DMD: variants seen among roughly 807,000 people sequenced by gnomAD.
The protein encoded by DMD is dystrophin, also known as mutant dystrophin.
A neutral mutation model predicts 330.1 loss-of-function variants in DMD; 63 were observed. The ratio of observed to expected loss-of-function variants is 0.19; its 90% CI spans 0.16 to 0.24. The LOEUF (loss-of-function observed/expected upper bound fraction) is 0.24. Ranked by LOEUF, DMD falls within the 10% of genes least tolerant of loss-of-function variation. The pLI, the probability that DMD is intolerant of heterozygous loss-of-function variation, is 1.00. For synonymous variants in DMD, 1,223 were observed against 959.8 expected (o/e 1.27, Z -5.07); for missense variants, 3,344 against 2,684.1 (o/e 1.25, Z -5.43).
intron 62 of DMD, among the ~76,000 whole-genome samples, chrX:31,284,605 C>CTTCTTCTTCTTCTTT (rs776178641): frequency 6.6e-5 from 6 of 91,131 alleles, no homozygotes; most frequent in African/African-American, 2.6e-4. Context: ...TCTTCTTCTT[C>CTTCTTCTTCTTCTTT]TTTTTTTTGG....
At chrX:31,972,315 A>G (rs2095405620) in intron 44 of DMD, among the ~76,000 whole-genome samples, 1 of 111,946 alleles carries the variant, frequency 8.9e-6, no homozygotes, top group African/African-American at 3.2e-5. Flanking sequence ...ACATAGGCAA[A>G]GAAAGAACTG....
rs1206711908 is a variant in DMD, at chrX:31,121,218, TTTATATAC to T, written c.*693_*700del. 24 of 112,024 alleles carry T rather than the reference TTTATATAC, an allele frequency of 2.1e-4. No homozygotes were observed. The Admixed American group carries it at 2.3e-3, about 11-fold the overall frequency. The allele number at this position is 112,024 out of a possible 1,213,427, so 9.2% of individuals were successfully genotyped here. On this transcript the variant is annotated 3_prime_UTR_variant, in exon 79 of 79. Coordinates refer to ENST00000357033, the MANE Select transcript of DMD (RefSeq NM_004006.3). ...TCTCTTTATCTATATAACTATAGTA[TTTATATAC>T]TTATAGACATATAGATATATGAAAT...
chrX:32,731,301 A>G (rs1020929953), intron 7 of DMD, among the ~76,000 whole-genome samples: 1 of 112,177 alleles, frequency 8.9e-6, no homozygotes, highest in Non-Finnish European at 1.9e-5. Flanking sequence ...CAGCAGTCTG[A>G]GATCAAACTG....
intron 60 of DMD, among the ~76,000 whole-genome samples, chrX:31,401,514 C>A (rs1263372546): frequency 8.9e-6 from 1 of 111,745 alleles, no homozygotes; most frequent in East Asian, 2.8e-4. Flanking sequence ...GTGAGCTAAG[C>A]ACCTGATATA....
At chrX:32,206,457 C>G (rs2097069742) in intron 44 of DMD, 1 of 534,408 alleles carries the variant, frequency 1.9e-6, no homozygotes, top group South Asian at 2.3e-5. Flanking sequence ...ATGAGATACT[C>G]CAGCCAAAAA....
At chrX:32,199,777 C>CTT (rs1462276429) in intron 44 of DMD, among the ~76,000 whole-genome samples, 1 of 68,642 alleles carries the variant, frequency 1.5e-5, no homozygotes, top group African/African-American at 6.0e-5. Flanking sequence ...CCACGCAAGG[C>CTT]TTTTGTGTGT....
chrX:33,026,494 G>A (rs757785054), intron 1 of DMD, among the ~76,000 whole-genome samples: 1 of 109,897 alleles, frequency 9.1e-6, no homozygotes, highest in Non-Finnish European at 1.9e-5. Context: ...ATATTTTGGA[G>A]CATTATAAAG....
intron 43 of DMD, among the ~76,000 whole-genome samples, chrX:32,233,098 C>T (rs745320135): frequency 6.3e-5 from 7 of 111,807 alleles, no homozygotes; most frequent in African/African-American, 2.3e-4. Context: ...GTGTTGAATT[C>T]GGAAGGTGTA....
rs150704714 is a variant in DMD, at chrX:31,916,249, A to T, written c.6912+13347T>A. 3.0e-3 allele frequency among the ~76,000 whole-genome samples: 342 copies of T among 112,283 alleles called. 2 individuals are homozygous for T. Among genetic ancestry groups the T allele is most frequent in the African/African-American group, 0.011 (331 of 30,930 alleles). ...ACAACACAACAGCTCACGGGACCCC[A>T]CAGACTGTGTGCAATTATAAATGGT... On this transcript the variant is annotated intron_variant, in intron 47 of 78. Transcript: ENST00000357033.
chrX:32,498,101 A>G (rs1327644581), intron 19 of DMD, among the ~76,000 whole-genome samples: 1 of 111,411 alleles, frequency 9.0e-6, no homozygotes, highest in Non-Finnish European at 1.9e-5. Flanking sequence ...GAATATATAA[A>G]TACATCACTA....
At chrX:32,732,226 G>C (rs1241807126) in intron 7 of DMD, among the ~76,000 whole-genome samples, 1 of 110,986 alleles carries the variant, frequency 9.0e-6, no homozygotes, top group African/African-American at 3.3e-5. Context: ...AGAATAAAAA[G>C]AAATGAGCAA....
intron 57 of DMD, among the ~76,000 whole-genome samples, chrX:31,495,908 T>C (rs2069799089): frequency 8.9e-6 from 1 of 111,984 alleles, no homozygotes; most frequent in Non-Finnish European, 1.9e-5. Flanking sequence ...ACAATCAAAC[T>C]ATAGAACTGC....
intron 44 of DMD, among the ~76,000 whole-genome samples, chrX:32,116,342 C>G (rs760315173): frequency 8.9e-6 from 1 of 112,265 alleles, no homozygotes; most frequent in East Asian, 2.8e-4. Context: ...AGCTTTATTT[C>G]CAATATGGAT....
chrX:31,409,604 T>C (rs2061551367), intron 60 of DMD, among the ~76,000 whole-genome samples: 1 of 112,053 alleles, frequency 8.9e-6, no homozygotes, highest in African/African-American at 3.2e-5. Flanking sequence ...TGAAATATTT[T>C]AAATATCCTT....
At chrX:31,507,500 A>G (rs2071071460) in intron 55 of DMD, 47 bp from the exon 56 acceptor site, 1 of 1,112,659 alleles carries the variant, frequency 9.0e-7, no homozygotes, top group Admixed American at 2.5e-5. Context: ...ACCAAACAAA[A>G]GAAACAAGCG....
chrX:32,493,301 G>A (rs1603634781), intron 19 of DMD, among the ~76,000 whole-genome samples: 2 of 111,826 alleles, frequency 1.8e-5, no homozygotes, highest in East Asian at 5.6e-4. Context: ...AAAGCATAAT[G>A]CTACTCAGGA....
At chrX:32,311,163 T>C (rs1569557054) in intron 41 of DMD, among the ~76,000 whole-genome samples, 1 of 111,303 alleles carries the variant, frequency 9.0e-6, no homozygotes, top group African/African-American at 3.3e-5. Flanking sequence ...ATTCTTGTAA[T>C]TGAAATTATT....
intron 1 of DMD, among the ~76,000 whole-genome samples, chrX:33,250,962 G>T (rs2052763168): frequency 9.0e-6 from 1 of 110,842 alleles, no homozygotes; most frequent in Non-Finnish European, 1.9e-5. Context: ...CATTTTATAT[G>T]TAGGGCTAAG....
intron 5 of DMD, among the ~76,000 whole-genome samples, chrX:32,819,235 G>A (rs999352436): frequency 9.0e-6 from 1 of 110,717 alleles, no homozygotes; most frequent in African/African-American, 3.3e-5. Flanking sequence ...TGGTAGGCAG[G>A]AATTTACAGG....
Sources: gnomAD v4.1 joint callset for allele counts (sites outside exome capture counted in the v4.1 genomes callset) on GRCh38, gnomAD v4.1.1 for gene constraint, MANE v1.5 for transcripts, NCBI Gene and HGNC (gene_info 2026-07-23, HGNC 2026-07-21) for gene names.